The following PEBP4 variants were observed in gnomAD, a reference collection of about 807,000 sequenced individuals.
PEBP4 encodes phosphatidylethanolamine-binding protein 4.
Under a neutral mutation model 23.9 loss-of-function variants are expected in PEBP4, and 22 were observed. That is an observed-to-expected ratio of 0.92 (90% confidence interval 0.66 to 1.31). The LOEUF is 1.31. PEBP4 is among the 40% of genes most tolerant of loss of function. The pLI, the probability that PEBP4 is intolerant of heterozygous loss-of-function variation, is 0.00. For missense variants in PEBP4, 324 were observed against 281.7 expected, an observed-to-expected ratio of 1.15 and a Z score of -1.07; for synonymous variants, 112 against 99.3, an observed-to-expected ratio of 1.13 and a Z score of -0.76.
intron 3 of PEBP4, among the ~76,000 whole-genome samples, chr8:22,828,921 C>G (rs542076258): frequency 1.3e-5 from 2 of 152,100 alleles, no homozygotes; most frequent in Non-Finnish European, 2.9e-5. Flanking sequence ...ATCCCCCAAA[C>G]GGCTCCACCT....
At chr8:22,922,688 C>T (rs1398759335) in intron 2 of PEBP4, among the ~76,000 whole-genome samples, 2 of 151,988 alleles carry the variant, frequency 1.3e-5, no homozygotes, top group African/African-American at 4.8e-5. Flanking sequence ...ATTGCATCAC[C>T]GCACTCCAGC....
chr8:22,825,962 T>C (rs1157356338), intron 3 of PEBP4, among the ~76,000 whole-genome samples: 3 of 152,172 alleles, frequency 2.0e-5, no homozygotes, highest in African/African-American at 7.2e-5. Flanking sequence ...TGATTCCACG[T>C]ACATGATATA....
At chr8:22,937,396 T>C (rs1809554714) in intron 1 of PEBP4, among the ~76,000 whole-genome samples, 1 of 152,098 alleles carries the variant, frequency 6.6e-6, no homozygotes, top group African/African-American at 2.4e-5. Context: ...GGTGAAAGAC[T>C]TGCACACTGA....
intron 6 of PEBP4, among the ~76,000 whole-genome samples, chr8:22,716,454 T>C (rs1804421336): frequency 6.6e-6 from 1 of 152,170 alleles, no homozygotes; most frequent in Non-Finnish European, 1.5e-5. Flanking sequence ...GGCCTCCTAT[T>C]AGGCTCTAGG....
chr8:22,783,401 T>C (rs1358451933), intron 4 of PEBP4, among the ~76,000 whole-genome samples: 2 of 152,218 alleles, frequency 1.3e-5, no homozygotes, highest in Non-Finnish European at 1.5e-5. Flanking sequence ...AAGGCTCGAC[T>C]TCCTCACTGG....
At chr8:22,882,528 A>C (rs1365732206) in intron 3 of PEBP4, among the ~76,000 whole-genome samples, 1 of 152,234 alleles carries the variant, frequency 6.6e-6, no homozygotes, top group Admixed American at 6.5e-5. Context: ...TCATGAACAG[A>C]GGGAGGCCTC....
intron 3 of PEBP4, among the ~76,000 whole-genome samples, chr8:22,894,859 G>A (rs1315360292): frequency 6.6e-6 from 1 of 152,140 alleles, no homozygotes; most frequent in Admixed American, 6.6e-5. Context: ...CTTAGACCCT[G>A]CTGAGCCTCC....
upstream of PEBP4, among the ~76,000 whole-genome samples, chr8:22,932,573 A>C (rs2128782929): frequency 6.6e-6 from 1 of 152,208 alleles, no homozygotes; most frequent in East Asian, 1.9e-4. Flanking sequence ...GGATGAACTA[A>C]CTTTATAGAA....
At chr8:22,908,349 C>G (rs1281073548) in intron 3 of PEBP4, among the ~76,000 whole-genome samples, 1 of 150,676 alleles carries the variant, frequency 6.6e-6, no homozygotes. Context: ...GAGTGTGGGT[C>G]ATGGAGGCCA....
intron 3 of PEBP4, among the ~76,000 whole-genome samples, chr8:22,855,728 A>C (rs576133442): frequency 6.6e-6 from 1 of 152,334 alleles, no homozygotes; most frequent in South Asian, 2.1e-4. Context: ...CAATTTCTCT[A>C]CATAAAAATA....
At chr8:22,829,663 C>G (rs1382659835) in intron 3 of PEBP4, among the ~76,000 whole-genome samples, 1 of 152,146 alleles carries the variant, frequency 6.6e-6, no homozygotes, top group Non-Finnish European at 1.5e-5. Context: ...TCCCCATCAT[C>G]AGCAATACCT....
At chr8:22,825,886 C>T (rs961755784) in intron 3 of PEBP4, among the ~76,000 whole-genome samples, 9 of 152,212 alleles carry the variant, frequency 5.9e-5, no homozygotes, top group African/African-American at 9.7e-5. Context: ...TTGGTGACAA[C>T]GTGGATAAAC....
intron 4 of PEBP4, among the ~76,000 whole-genome samples, chr8:22,799,737 C>T (rs1165291482): frequency 6.6e-6 from 1 of 152,060 alleles, no homozygotes; most frequent in Non-Finnish European, 1.5e-5. Flanking sequence ...TGGTGTGTGA[C>T]GTTCCCCACC....
chr8:22,829,241 G>A (rs1379681415), intron 3 of PEBP4, among the ~76,000 whole-genome samples: 3 of 152,172 alleles, frequency 2.0e-5, no homozygotes, highest in African/African-American at 7.2e-5. Flanking sequence ...AGTGAGTGCT[G>A]CAGCAGAAAG....
rs1809198699 is a variant in PEBP4 at position 22,921,477 on chromosome 8, A to T, written c.132-1167T>A. Among the ~76,000 whole-genome samples the T allele has an allele frequency of 2.0e-5, 3 of 152,214 alleles. No homozygotes were observed. In the South Asian group the frequency reaches 6.2e-4, roughly 31 times the overall value. On this transcript the variant is annotated intron_variant, in intron 2 of 6. Coordinates refer to ENST00000256404, the MANE Select transcript of PEBP4 (RefSeq NM_144962.3). ...ACCTGGGGCCTGGGAGTAGGCCAAG[A>T]GCAGCTTCCTGGTGGGGAACCCTGC... is the stretch of plus-strand genomic sequence containing the variant.
At chr8:22,863,800 G>A (rs1368672031) in intron 3 of PEBP4, among the ~76,000 whole-genome samples, 1 of 152,200 alleles carries the variant, frequency 6.6e-6, no homozygotes, top group Non-Finnish European at 1.5e-5. Context: ...TGAAGGACTA[G>A]GGAGATGTTA....
chr8:22,889,752 C>G (rs1808455146), intron 3 of PEBP4, among the ~76,000 whole-genome samples: 1 of 152,170 alleles, frequency 6.6e-6, no homozygotes, highest in Non-Finnish European at 1.5e-5. Context: ...GATTTGAACT[C>G]AAGTGTAATC....
chr8:22,743,303 G>A lies in PEBP4; in HGVS notation c.358-16083C>T, dbSNP rs1328696602. Among the ~76,000 whole-genome samples, 134 of 152,234 alleles carry A rather than the reference G, an allele frequency of 8.8e-4. 1 individual carries two copies. The highest frequency in any genetic ancestry group is 3.1e-3 in the African/African-American group (127 of 41,472). ...GAAGCAGAAGCAGAGCTCCCTTTGG[G>A]GGAGAAACCCCCTCAGTTTCTACTG... is the stretch of plus-strand genomic sequence containing the variant. On this transcript the variant is annotated intron_variant, in intron 4 of 6. Coordinates refer to ENST00000256404, the MANE Select transcript of PEBP4 (RefSeq NM_144962.3).
chr8:22,795,125 G>GTA (rs1371189916), intron 4 of PEBP4, among the ~76,000 whole-genome samples: 1 of 119,746 alleles, frequency 8.4e-6, no homozygotes, highest in Admixed American at 9.2e-5. Flanking sequence ...ATATATGTGT[G>GTA]TATATATATG....
Sources: allele counts gnomAD v4.1 joint callset (sites outside exome capture counted in the v4.1 genomes callset), GRCh38; gene constraint gnomAD v4.1.1; transcripts MANE v1.5; gene names NCBI Gene and HGNC (gene_info 2026-07-23, HGNC 2026-07-21).